OCLN: variants seen among roughly 807,000 people sequenced by gnomAD.
The protein encoded by OCLN is phosphatase 1, regulatory subunit 115.
OCLN carries 21 observed loss-of-function variants against 47.9 expected under a neutral mutation model. The observed-to-expected ratio is 0.44, with a 90% CI of 0.31 to 0.63. The LOEUF (loss-of-function observed/expected upper bound fraction) is 0.63, where lower values mean the gene tolerates loss of function less well. Among genes scored for constraint, OCLN ranks in the 30% least tolerant of loss-of-function variants. OCLN has a pLI of 0.08. For missense variants in OCLN, 360 were observed against 571.0 expected (o/e 0.63, Z 3.77); for synonymous variants, 117 against 198.4 (o/e 0.59, Z 3.45).
chr5:69,497,077 G>C (rs1399093714), intron 1 of OCLN, among the ~76,000 whole-genome samples: 1 of 152,176 alleles, frequency 6.6e-6, no homozygotes, highest in Admixed American at 6.5e-5. Flanking sequence ...AGAGACCTTA[G>C]AAGTCTTCCA....
chr5:69,495,468 G>A (rs1200267009), intron 1 of OCLN, among the ~76,000 whole-genome samples: 3 of 152,082 alleles, frequency 2.0e-5, no homozygotes, highest in East Asian at 1.9e-4. Context: ...TAGACTCTAC[G>A]CACTTAATTA....
chr5:69,501,560 C>T (rs1181460653), intron 1 of OCLN, among the ~76,000 whole-genome samples: 2 of 150,988 alleles, frequency 1.3e-5, no homozygotes, highest in Non-Finnish European at 2.9e-5. Context: ...GCCTGGGAGG[C>T]AGGTTGTAGT....
intron 3 of OCLN, among the ~76,000 whole-genome samples, chr5:69,510,688 A>G (rs1768757889): frequency 6.6e-6 from 1 of 152,168 alleles, no homozygotes; most frequent in East Asian, 1.9e-4. Context: ...CATCTCAAAA[A>G]AAAAGAATCA....
At chr5:69,531,638 G>A (rs1769433643) in intron 4 of OCLN, among the ~76,000 whole-genome samples, 1 of 152,192 alleles carries the variant, frequency 6.6e-6, no homozygotes, top group African/African-American at 2.4e-5. Context: ...CCTGTGGTGG[G>A]GTCTGAGCAC....
intron 1 of OCLN, among the ~76,000 whole-genome samples, chr5:69,496,123 C>CAG (rs1027630074): frequency 6.9e-6 from 1 of 145,744 alleles, no homozygotes; most frequent in Non-Finnish European, 1.5e-5. Context: ...TTTTTTGAGA[C>CAG]AGAGTCTCGC....
intron 2 of OCLN, among the ~76,000 whole-genome samples, chr5:69,505,215 A>G (rs1438192054): frequency 1.3e-5 from 2 of 152,162 alleles, no homozygotes; most frequent in African/African-American, 4.8e-5. Flanking sequence ...GCGCCATTGC[A>G]CTCTAGACTG....
intron 5 of OCLN, among the ~76,000 whole-genome samples, chr5:69,536,214 G>GAGT (rs1171448113): frequency 6.6e-6 from 1 of 151,704 alleles, no homozygotes; most frequent in Admixed American, 6.6e-5. Context: ...GTGAGTCAGG[G>GAGT]AGTAAGTGGT....
At chr5:69,531,465 G>A (rs1769429892) in intron 4 of OCLN, among the ~76,000 whole-genome samples, 1 of 152,348 alleles carries the variant, frequency 6.6e-6, no homozygotes, top group Non-Finnish European at 1.5e-5. Context: ...AGTATAAAAT[G>A]GGTTTTTAAG....
At chr5:69,520,869 A>G (rs1216519014) in intron 4 of OCLN, among the ~76,000 whole-genome samples, 2 of 152,172 alleles carry the variant, frequency 1.3e-5, no homozygotes, top group Admixed American at 1.3e-4. Flanking sequence ...TTGTTTTGAG[A>G]TGGAGTCTCG....
chr5:69,509,523 GCTGCCTTTTGTT>G lies in OCLN; in HGVS notation c.434_445del (p.Ala145_Phe149delinsVal). On this transcript the variant is annotated inframe_deletion, in exon 3 of 9. Transcript: ENST00000396442. ...AGCAAAGGGCTTCATGTTGGCCATG[GCTGCCTTTTGTT>G]TCATTGCCGCGTTGGTGATCTTTGT... 1 of 1,614,160 alleles carries G rather than the reference GCTGCCTTTTGTT, an allele frequency of 6.2e-7. No homozygotes were observed. The highest frequency in any genetic ancestry group is 8.5e-7 in the Non-Finnish European group (1 of 1,180,026).
Position 69,493,325 on chromosome 5 carries a change from A to G in OCLN, c.-69+425A>G, listed in dbSNP as rs1768195287. Among the ~76,000 whole-genome samples, 1 of 151,750 alleles carries G rather than the reference A, an allele frequency of 6.6e-6. No homozygotes were observed. The highest frequency in any genetic ancestry group is 2.1e-4 in the South Asian group (1 of 4,812). ...CAGCTCCTTGGGGGTCCTAAGCCTG[A>G]GGCTGCAGCGAGGCGGCTGTTCGGC... On this transcript the variant is annotated intron_variant, in intron 1 of 8. Coordinates refer to ENST00000396442, the MANE Select transcript of OCLN (RefSeq NM_001205254.2). The surrounding 1 kb of genome is among the most constrained non-coding windows in gnomAD (Gnocchi z 5.3).
intron 1 of OCLN, among the ~76,000 whole-genome samples, chr5:69,501,713 A>G (rs1047441306): frequency 1.2e-4 from 18 of 152,196 alleles, no homozygotes; most frequent in African/African-American, 4.1e-4. Flanking sequence ...ACTTTTCTCT[A>G]TGGTATACTT....
chr5:69,537,079 C>T (rs1769609663), intron 5 of OCLN, among the ~76,000 whole-genome samples: 1 of 150,436 alleles, frequency 6.6e-6, no homozygotes, highest in Non-Finnish European at 1.5e-5. Flanking sequence ...AGGGATCATA[C>T]TTGAGCCCGG....
intron 7 of OCLN, among the ~76,000 whole-genome samples, chr5:69,549,858 G>T (rs1769814772): frequency 6.6e-6 from 1 of 150,898 alleles, no homozygotes. Context: ...TGACGGTTGG[G>T]AACTTTCAGT....
At chr5:69,546,466 G>T (rs1451224432) in intron 6 of OCLN, among the ~76,000 whole-genome samples, 1 of 137,360 alleles carries the variant, frequency 7.3e-6, no homozygotes, top group Non-Finnish European at 1.6e-5. Flanking sequence ...TATCACGGAA[G>T]ATTTAACTGA....
At chr5:69,505,257 T>A (rs1291753679) in intron 2 of OCLN, among the ~76,000 whole-genome samples, 4 of 151,988 alleles carry the variant, frequency 2.6e-5, no homozygotes, top group East Asian at 1.9e-4. Flanking sequence ...TCTCAAAAAA[T>A]AAATAAATAA....
intron 4 of OCLN, among the ~76,000 whole-genome samples, chr5:69,527,271 C>T (rs1198534039): frequency 3.3e-5 from 5 of 149,258 alleles, no homozygotes; most frequent in Admixed American, 2.7e-4. Context: ...AGTGAGACTT[C>T]GTCTCAAAAA....
At chr5:69,514,359 C>T (rs1475462221) in intron 4 of OCLN, among the ~76,000 whole-genome samples, 1 of 152,104 alleles carries the variant, frequency 6.6e-6, no homozygotes, top group Non-Finnish European at 1.5e-5. Flanking sequence ...CTAAAAAAAT[C>T]ATGCAGAAAG....
chr5:69,519,286 A>G (rs1047409644), intron 4 of OCLN, among the ~76,000 whole-genome samples: 9 of 152,232 alleles, frequency 5.9e-5, no homozygotes, highest in African/African-American at 2.2e-4. Flanking sequence ...CTTCAGGATT[A>G]TAACACGCCT....
Sources: allele counts gnomAD v4.1 joint callset (sites outside exome capture counted in the v4.1 genomes callset), GRCh38; gene constraint gnomAD v4.1.1; non-coding constraint Gnocchi (gnomAD v3.1); transcripts MANE v1.5; gene names NCBI Gene and HGNC (gene_info 2026-07-23, HGNC 2026-07-21).